The following PUS10 variants were observed in gnomAD, a reference collection of about 807,000 sequenced individuals.
PUS10 encodes pseudouridine synthase 10.
In PUS10, 59 loss-of-function variants were observed where a neutral mutation model predicts 75.0. The ratio of observed to expected loss-of-function variants is 0.79; its 90% CI spans 0.64 to 0.98. The LOEUF (loss-of-function observed/expected upper bound fraction) is 0.98. Among genes scored for constraint, PUS10 ranks in the 50% least tolerant of loss-of-function variants. The pLI is 0.00. For missense variants in PUS10, 650 were observed against 614.4 expected (o/e 1.06, Z -0.61); for synonymous variants, 219 against 211.6 (o/e 1.03, Z -0.30).
chr2:61,010,490 C>G (rs1010532896), intron 2 of PUS10: 4 of 223,106 alleles, frequency 1.8e-5, no homozygotes, highest in Non-Finnish European at 3.7e-5. Flanking sequence ...TGGCGCCCAG[C>G]TAATATTTGT....
intron 2 of PUS10, 93 bp from the exon 3 acceptor site, chr2:61,009,108 T>G: frequency 1.8e-6 from 2 of 1,138,862 alleles, no homozygotes; most frequent in Non-Finnish European, 2.5e-6. Flanking sequence ...GAGTGAAAAT[T>G]AGGACATATC....
chr2:60,974,175 G>A (rs1456194557), intron 4 of PUS10, among the ~76,000 whole-genome samples: 2 of 151,182 alleles, frequency 1.3e-5, no homozygotes, highest in Non-Finnish European at 2.9e-5. Flanking sequence ...CCCACTGTGG[G>A]TCTTCTCTGA....
chr2:60,948,143 G>T lies in PUS10; in HGVS notation c.1351C>A (p.Arg451=), dbSNP rs777449880. 2 of 1,613,962 alleles carry T rather than the reference G, an allele frequency of 1.2e-6. No individual in the cohort carries two copies. Among genetic ancestry groups the T allele is most frequent in the African/African-American group, 2.7e-5 (2 of 74,884 alleles). Residue 451 remains arginine (R), a synonymous_variant, in exon 16 of 18, where the codon CGA becomes AGA. Coordinates refer to ENST00000316752, the MANE Select transcript of PUS10 (RefSeq NM_144709.4). The part of the protein sequence containing the change: ...DQKTPLRVLH[R]RPLAVRARVI... ...CGAGCTCGCACAGCCAGGGGCCTTC[G>T]GTGAAGGACGCGCAAAGGTGTTTTC...
rs746686421 is a variant in PUS10 at position 60,948,145 on chromosome 2, T to C, written c.1349A>G (p.His450Arg). The change falls in exon 16 of 18, where the codon CAC becomes CGC. Residue 450 changes from histidine to arginine, a missense_variant. Physicochemically the swap from His to Arg is conservative, Grantham distance 29. Coordinates refer to ENST00000316752, the MANE Select transcript of PUS10 (RefSeq NM_144709.4). ...IDQKTPLRVLHRRPLAVRARV... is the reference protein window; with the variant it reads ...IDQKTPLRVLRRRPLAVRARV... Reference sequence around the variant, plus strand: ...AGCTCGCACAGCCAGGGGCCTTCGGTGAAGGACGCGCAAAGGTGTTTTCTG... The same window carrying C: ...AGCTCGCACAGCCAGGGGCCTTCGGCGAAGGACGCGCAAAGGTGTTTTCTG... The C allele has an allele frequency of 2.5e-6, 4 of 1,614,058 alleles. No homozygotes were observed. The highest frequency in any genetic ancestry group is 3.4e-6 in the Non-Finnish European group (4 of 1,179,974).
At chr2:61,005,680 A>G (rs2104685246) in intron 4 of PUS10, among the ~76,000 whole-genome samples, 1 of 152,338 alleles carries the variant, frequency 6.6e-6, no homozygotes, top group Non-Finnish European at 1.5e-5. Flanking sequence ...TTATATCATC[A>G]TCATCATCCC....
chr2:60,953,240 G>T (rs932698556), intron 14 of PUS10, 126 bp from the exon 15 acceptor site: 6 of 635,704 alleles, frequency 9.4e-6, no homozygotes, highest in Middle Eastern at 3.5e-4. Context: ...ACAATTCAAT[G>T]ATTTTTAGTA....
At chr2:60,970,951 G>C (rs563993844) in intron 5 of PUS10, among the ~76,000 whole-genome samples, 1 of 152,006 alleles carries the variant, frequency 6.6e-6, no homozygotes, top group Admixed American at 6.6e-5. Context: ...AGGCCGAGGC[G>C]GGTGAATCAC....
rs1679218223 is a variant in PUS10 at position 61,006,480 on chromosome 2, T to G, written c.468+77A>C. ...GTAAAAAATATAATAGAGTAAGGAATATTTCTACATTCCCATTTTTTGAGA... is the reference window on the plus strand; with the variant it reads ...GTAAAAAATATAATAGAGTAAGGAAGATTTCTACATTCCCATTTTTTGAGA... On this transcript the variant is annotated intron_variant, in intron 4 of 17. Transcript: ENST00000316752. 4 of 1,068,674 alleles carry G rather than the reference T, an allele frequency of 3.7e-6. 1 individual carries two copies. In the South Asian group the frequency reaches 5.6e-5, roughly 15 times the overall value. 66.2% of individuals were successfully genotyped at this position (1,068,674 alleles called of 1,614,324 possible).
At chr2:61,006,261 T>C (rs1679204448) in intron 4 of PUS10, among the ~76,000 whole-genome samples, 1 of 152,214 alleles carries the variant, frequency 6.6e-6, no homozygotes, top group Admixed American at 6.5e-5. Context: ...TCTCTTTCTC[T>C]GACCATCATG....
At chr2:60,977,733 GT>G (rs1158245552) in intron 4 of PUS10, among the ~76,000 whole-genome samples, 2 of 152,122 alleles carry the variant, frequency 1.3e-5, no homozygotes, top group Non-Finnish European at 2.9e-5. Context: ...AGACATCTGA[GT>G]CTGTAATTCC....
At chr2:61,010,733 C>T in intron 2 of PUS10, 1 of 1,537,836 alleles carries the variant, frequency 6.5e-7, no homozygotes, top group Non-Finnish European at 8.8e-7. Context: ...TAAACTGAAG[C>T]TGGAAAGTGG....
intron 12 of PUS10, among the ~76,000 whole-genome samples, chr2:60,954,689 T>C (rs2104255632): frequency 6.6e-6 from 1 of 152,320 alleles, no homozygotes; most frequent in Non-Finnish European, 1.5e-5. Flanking sequence ...CTGAAAACTG[T>C]ACTGGTCCTT....
In PUS10 at chr2:61,001,547, G is replaced by T. The variant is rs950123175; in HGVS notation, c.468+5010C>A. On this transcript the variant is annotated intron_variant, in intron 4 of 17. Transcript: ENST00000316752. ...CCACCTCAGCCCCACAAAGTGCTGG[G>T]ATTATAGGCATGAGCCAACACCCAG... Among the ~76,000 whole-genome samples the T allele has an allele frequency of 2.6e-5, 4 of 152,156 alleles. No individual in the cohort carries two copies. The South Asian group carries it at 6.2e-4, about 24-fold the overall frequency.
At chr2:60,969,693 C>A (rs999709072) in intron 5 of PUS10, among the ~76,000 whole-genome samples, 3 of 152,170 alleles carry the variant, frequency 2.0e-5, no homozygotes, top group Non-Finnish European at 4.4e-5. Flanking sequence ...ACTAGGGACA[C>A]TGAGGGAAAA....
At chr2:60,950,809 G>A (rs1368786439) in intron 15 of PUS10, among the ~76,000 whole-genome samples, 1 of 152,036 alleles carries the variant, frequency 6.6e-6, no homozygotes, top group Non-Finnish European at 1.5e-5. Flanking sequence ...CAGTCTTTTT[G>A]TTGTTGATTT....
chr2:60,971,579 C>G (rs1156965985), intron 4 of PUS10, 22 bp from the exon 5 acceptor site: 6 of 1,611,124 alleles, frequency 3.7e-6, no homozygotes, highest in Non-Finnish European at 4.2e-6. Context: ...TTAGTCACAC[C>G]CAGAAAGAGA....
intron 4 of PUS10, among the ~76,000 whole-genome samples, chr2:61,004,325 T>A (rs1679054617): frequency 6.6e-6 from 1 of 151,840 alleles, no homozygotes; most frequent in Non-Finnish European, 1.5e-5. Flanking sequence ...AAGACGGCAA[T>A]AAAATAAAGT....
intron 17 of PUS10, 44 bp from the exon 18 acceptor site, chr2:60,942,477 T>C: frequency 6.8e-7 from 1 of 1,468,558 alleles, no homozygotes; most frequent in South Asian, 1.1e-5. Flanking sequence ...ATTACTGTTG[T>C]GGTAAGCATT....
intron 4 of PUS10, among the ~76,000 whole-genome samples, chr2:60,977,015 CTA>C (rs1677073290): frequency 6.6e-6 from 1 of 152,142 alleles, no homozygotes; most frequent in Non-Finnish European, 1.5e-5. Flanking sequence ...TAATCCTGGA[CTA>C]TGTTTAACTT....
Sources: allele counts gnomAD v4.1 joint callset (sites outside exome capture counted in the v4.1 genomes callset), GRCh38; gene constraint gnomAD v4.1.1; transcripts MANE v1.5; gene names NCBI Gene and HGNC (gene_info 2026-07-23, HGNC 2026-07-21).